Variants in OSBPL9 observed in about 807,000 individuals in gnomAD.
OSBPL9 encodes oxysterol binding protein like 9.
Under a neutral mutation model 106.6 loss-of-function variants are expected in OSBPL9, and 40 were observed. The observed-to-expected ratio is 0.38, with a 90% CI of 0.29 to 0.49. The LOEUF (loss-of-function observed/expected upper bound fraction) is 0.49, where lower values mean the gene tolerates loss of function less well. Among genes scored for constraint, OSBPL9 ranks in the 20% least tolerant of loss-of-function variants. The probability of loss-of-function intolerance (pLI) is 0.97; values close to 1 mark genes in which losing one functional copy is unlikely to be tolerated. For missense variants in OSBPL9, 609 were observed against 887.2 expected (o/e 0.69, Z 3.98); for synonymous variants, 269 against 295.4 (o/e 0.91, Z 0.92).
chr1:51,701,873 C>G (rs891973657), intron 3 of OSBPL9, among the ~76,000 whole-genome samples: 8 of 152,116 alleles, frequency 5.3e-5, no homozygotes, highest in African/African-American at 1.9e-4. Flanking sequence ...GTTCAATTCC[C>G]ACCTATGAGT....
intron 2 of OSBPL9, among the ~76,000 whole-genome samples, chr1:51,607,164 C>CTTTTTTTTTT (rs1320905927): frequency 7.3e-6 from 1 of 136,384 alleles, no homozygotes; most frequent in African/African-American, 2.7e-5. Flanking sequence ...TTTTCTTTTT[C>CTTTTTTTTTT]TTTTTTTTTT....
chr1:51,739,768 G>C (rs1380706526), intron 4 of OSBPL9, among the ~76,000 whole-genome samples: 33 of 151,964 alleles, frequency 2.2e-4, no homozygotes, highest in Admixed American at 2.0e-3. Context: ...AAACCACGGG[G>C]ACAGTAGGGA....
At chr1:51,608,255 C>T (rs1643961995) in intron 2 of OSBPL9, among the ~76,000 whole-genome samples, 1 of 152,062 alleles carries the variant, frequency 6.6e-6, no homozygotes, top group Non-Finnish European at 1.5e-5. Flanking sequence ...TGGGAGACTG[C>T]CTTTCCCTGG....
At chr1:51,765,075 A>G (rs1672289575) in intron 11 of OSBPL9, among the ~76,000 whole-genome samples, 1 of 152,172 alleles carries the variant, frequency 6.6e-6, no homozygotes, top group South Asian at 2.1e-4. Flanking sequence ...GATTGGTTTG[A>G]TACTTTTTTG....
At chr1:51,574,157 T>C (rs2148596391), upstream of OSBPL9, 1 of 152,344 alleles carries the variant, frequency 6.6e-6, no homozygotes, top group South Asian at 2.1e-4. Flanking sequence ...GACTCTGATA[T>C]TCCTGAAATT....
intron 15 of OSBPL9, among the ~76,000 whole-genome samples, chr1:51,778,232 GAAAGGAGA>G (rs1458085898): frequency 1.3e-5 from 2 of 152,152 alleles, no homozygotes; most frequent in African/African-American, 4.8e-5. Context: ...TTAATTCTAA[GAAAGGAGA>G]AAAGGAGAAA....
the OSBPL9 span, among the ~76,000 whole-genome samples, chr1:51,556,494 T>A: frequency 2.6e-5 from 4 of 151,756 alleles, no homozygotes; most frequent in Non-Finnish European, 5.9e-5. Flanking sequence ...GAGCTGGGGG[T>A]AGGGTGCTAT....
chr1:51,579,048 C>T (rs1008559350), intron 1 of OSBPL9, among the ~76,000 whole-genome samples: 6 of 148,550 alleles, frequency 4.0e-5, no homozygotes, highest in Non-Finnish European at 7.4e-5. Context: ...CCACCACCTT[C>T]AGCAGAATTT....
At chr1:51,663,594 A>G (rs1479841567) in intron 2 of OSBPL9, among the ~76,000 whole-genome samples, 1 of 152,258 alleles carries the variant, frequency 6.6e-6, no homozygotes, top group Admixed American at 6.5e-5. Context: ...GGACTGGGAA[A>G]GACTTCTTAA....
At chr1:51,623,973 A>G (rs1232761033) in intron 1 of OSBPL9, among the ~76,000 whole-genome samples, 1 of 151,460 alleles carries the variant, frequency 6.6e-6, no homozygotes, top group Admixed American at 6.6e-5. Flanking sequence ...GTTGGAGTGC[A>G]GTGGCACGAT....
Position 51,775,444 on chromosome 1 carries a change from C to T in OSBPL9, c.1171-1389C>T, listed in dbSNP as rs150596313. Among the ~76,000 whole-genome samples the T allele has an allele frequency of 1.0e-3, 158 of 152,092 alleles. 1 individual carries two copies. The highest frequency in any genetic ancestry group is 3.7e-3 in the African/African-American group (155 of 41,474). On this transcript the variant is annotated intron_variant, in intron 14 of 23. Coordinates refer to ENST00000428468, the MANE Select transcript of OSBPL9 (RefSeq NM_024586.6). ...CTCAATAAATTGTTTCCCAGCTCTG[C>T]CCTCATTCTGTTCCCCCAAACAGAG... is the stretch of plus-strand genomic sequence containing the variant.
chr1:51,572,767 G>A (rs892613371), upstream of OSBPL9, among the ~76,000 whole-genome samples: 2 of 152,214 alleles, frequency 1.3e-5, no homozygotes, highest in African/African-American at 2.4e-5. Flanking sequence ...GGGATTTGTG[G>A]AAGGGCTTAG....
At chr1:51,676,783 A>G (rs1001080285) in intron 3 of OSBPL9, among the ~76,000 whole-genome samples, 7 of 152,212 alleles carry the variant, frequency 4.6e-5, no homozygotes, top group African/African-American at 1.4e-4. Context: ...TATGTTGTAC[A>G]TGATAAATAC....
chr1:51,697,048 T>A (rs1329794998), intron 3 of OSBPL9, among the ~76,000 whole-genome samples: 1 of 151,888 alleles, frequency 6.6e-6, no homozygotes, highest in African/African-American at 2.4e-5. Flanking sequence ...TGGTCCTAAC[T>A]ACTTGGGAGA....
intron 3 of OSBPL9, among the ~76,000 whole-genome samples, chr1:51,684,286 G>T (rs1259357311): frequency 2.0e-5 from 3 of 152,084 alleles, no homozygotes; most frequent in Non-Finnish European, 4.4e-5. Flanking sequence ...TGGGAATACA[G>T]GTCCGAGCCA....
chr1:51,787,558 G>C, intron 23 of OSBPL9, 70 bp downstream of exon 23: 1 of 1,607,376 alleles, frequency 6.2e-7, no homozygotes, highest in Non-Finnish European at 8.5e-7. Context: ...TTGAAGAAGT[G>C]ATGTGCCAAA....
At chr1:51,601,107 T>A (rs1287601438) in intron 2 of OSBPL9, among the ~76,000 whole-genome samples, 1 of 152,214 alleles carries the variant, frequency 6.6e-6, no homozygotes, top group Non-Finnish European at 1.5e-5. Flanking sequence ...AAGGATGTGT[T>A]CAAAACCATC....
chr1:51,634,773 GAGGTTTA>G (rs1645318838), intron 1 of OSBPL9, among the ~76,000 whole-genome samples: 1 of 152,188 alleles, frequency 6.6e-6, no homozygotes, highest in South Asian at 2.1e-4. Flanking sequence ...TAAAGAAAAA[GAGGTTTA>G]ATGGACTCTC....
chr1:51,729,749 G>T lies in OSBPL9; in HGVS notation c.318+15670G>T. 4.5e-6 allele frequency: 5 copies of T among 1,122,172 alleles called. No individual in the cohort carries two copies. The highest frequency in any genetic ancestry group is 5.7e-6 in the Non-Finnish European group (5 of 884,570). 69.5% of individuals were successfully genotyped at this position (1,122,172 alleles called of 1,614,324 possible). A position where few individuals can be genotyped will look rare whatever the true frequency, so the allele number is the denominator to read the frequency against. ...ATCGCCAGGGGTCTCTTTGCCAGGAGCCGCCAGGGCCAGCCAATCGGGGCG... is the reference window on the plus strand; with the variant it reads ...ATCGCCAGGGGTCTCTTTGCCAGGATCCGCCAGGGCCAGCCAATCGGGGCG... On this transcript the variant is annotated intron_variant, in intron 4 of 23. Transcript: ENST00000428468. The surrounding 1 kb of genome is among the most constrained non-coding windows in gnomAD (Gnocchi z 5.1).
Sources: allele counts gnomAD v4.1 joint callset (sites outside exome capture counted in the v4.1 genomes callset), GRCh38; gene constraint gnomAD v4.1.1; non-coding constraint Gnocchi (gnomAD v3.1); transcripts MANE v1.5; gene names NCBI Gene and HGNC (gene_info 2026-07-23, HGNC 2026-07-21).